Variants in GPM6A observed in about 807,000 individuals in gnomAD.
GPM6A encodes the protein neuronal membrane glycoprotein M6-a.
GPM6A carries 7 observed loss-of-function variants against 32.1 expected under a neutral mutation model. The observed-to-expected ratio is 0.22, with a 90% CI of 0.12 to 0.41. The LOEUF (loss-of-function observed/expected upper bound fraction) is 0.41, where lower values mean the gene tolerates loss of function less well. GPM6A is among the 10% of genes least tolerant of loss of function. The probability of loss-of-function intolerance (pLI) is 1.00; values close to 1 mark genes in which losing one functional copy is unlikely to be tolerated. For synonymous variants in GPM6A, 130 were observed against 123.4 expected (o/e 1.05, Z -0.35); for missense variants, 235 against 347.2 (o/e 0.68, Z 2.57).
At chr4:175,713,947 AT>A (rs961273521) in intron 1 of GPM6A, among the ~76,000 whole-genome samples, 3 of 151,024 alleles carry the variant, frequency 2.0e-5, no homozygotes, top group South Asian at 2.1e-4. Flanking sequence ...TTTGTCATAG[AT>A]TTTTTTTTGT....
intron 1 of GPM6A, among the ~76,000 whole-genome samples, chr4:175,773,607 G>A (rs914233850): frequency 6.6e-6 from 1 of 152,138 alleles, no homozygotes; most frequent in African/African-American, 2.4e-5. Flanking sequence ...GCACACTTGT[G>A]AGAGAAAGTA....
intron 1 of GPM6A, among the ~76,000 whole-genome samples, chr4:175,987,868 G>A (rs1486482475): frequency 2.0e-5 from 3 of 151,948 alleles, no homozygotes; most frequent in Non-Finnish European, 4.4e-5. Context: ...GATGTATAAA[G>A]TAAAATAATA....
intron 1 of GPM6A, among the ~76,000 whole-genome samples, chr4:175,846,569 A>G (rs1579562983): frequency 1.3e-5 from 2 of 152,288 alleles, no homozygotes; most frequent in East Asian, 1.9e-4. Context: ...TTTCACTTTC[A>G]AAAGAATATT....
chr4:175,674,887 C>A (rs189785879), intron 2 of GPM6A, among the ~76,000 whole-genome samples: 2 of 151,180 alleles, frequency 1.3e-5, no homozygotes, highest in African/African-American at 4.9e-5. Context: ...AATTGATTAC[C>A]CAGTTTTGCT....
intron 4 of GPM6A, among the ~76,000 whole-genome samples, chr4:175,645,669 C>T (rs186097167): frequency 0.011 from 1,702 of 152,086 alleles, 32 homozygotes; most frequent in African/African-American, 0.039. Context: ...TTCAGTGAAC[C>T]GAGATGGCGC....
intron 1 of GPM6A, among the ~76,000 whole-genome samples, chr4:175,859,233 G>A (rs1368995195): frequency 1.3e-5 from 2 of 152,194 alleles, no homozygotes; most frequent in African/African-American, 4.8e-5. Context: ...GTTGTTGTAT[G>A]TCAATCATCT....
At chr4:175,966,014 A>C (rs776082830) in intron 1 of GPM6A, among the ~76,000 whole-genome samples, 11 of 152,220 alleles carry the variant, frequency 7.2e-5, no homozygotes, top group Non-Finnish European at 1.5e-4. Context: ...ATGAAATGGA[A>C]CAATTCCTTA....
chr4:175,993,831 C>G (rs1741223538), intron 1 of GPM6A, among the ~76,000 whole-genome samples: 1 of 152,118 alleles, frequency 6.6e-6, no homozygotes, highest in Admixed American at 6.6e-5. Context: ...ACATACCAGA[C>G]ACAGAGAGAC....
intron 1 of GPM6A, among the ~76,000 whole-genome samples, chr4:175,918,579 C>G (rs1041179041): frequency 2.0e-5 from 3 of 151,936 alleles, no homozygotes; most frequent in Non-Finnish European, 4.4e-5. Flanking sequence ...CTGTGGAAGA[C>G]AGTTTAGCAA....
intron 1 of GPM6A, chr4:175,787,384 G>A: frequency 1.3e-6 from 2 of 1,535,068 alleles, no homozygotes; most frequent in Non-Finnish European, 1.7e-6. Context: ...CTGGCTCCTT[G>A]TGAACTCTAT....
chr4:175,777,983 T>A (rs1733460485), intron 1 of GPM6A, among the ~76,000 whole-genome samples: 1 of 152,214 alleles, frequency 6.6e-6, no homozygotes. Flanking sequence ...GAGCAGAAAC[T>A]CTGCAAACTA....
At chr4:175,760,552 GGT>G (rs1053967139) in intron 1 of GPM6A, among the ~76,000 whole-genome samples, 1 of 152,004 alleles carries the variant, frequency 6.6e-6, no homozygotes. Flanking sequence ...ATGTTTTAGA[GGT>G]TTAAGATATA....
chr4:175,829,692 T>C (rs1006474826), intron 1 of GPM6A, among the ~76,000 whole-genome samples: 23 of 146,888 alleles, frequency 1.6e-4, no homozygotes, highest in Middle Eastern at 3.3e-3. Flanking sequence ...ATATTACATA[T>C]ATGTATATAT....
intron 1 of GPM6A, among the ~76,000 whole-genome samples, chr4:175,966,974 C>T (rs116577488): frequency 0.018 from 2,765 of 151,948 alleles, 72 homozygotes; most frequent in African/African-American, 0.062. Flanking sequence ...TCCAGTATTA[C>T]CTTAATACCA....
intron 1 of GPM6A, among the ~76,000 whole-genome samples, chr4:175,730,969 T>C (rs1731401428): frequency 6.6e-6 from 1 of 152,166 alleles, no homozygotes; most frequent in Non-Finnish European, 1.5e-5. Context: ...CTCCATCTTT[T>C]TCCACCAACC....
chr4:175,971,173 T>A (rs1378473067), intron 1 of GPM6A, among the ~76,000 whole-genome samples: 1 of 151,916 alleles, frequency 6.6e-6, no homozygotes, highest in South Asian at 2.1e-4. Flanking sequence ...AGCCCTAATA[T>A]CTTAGTGGTT....
At chr4:175,753,284 G>A (rs988492207) in intron 1 of GPM6A, among the ~76,000 whole-genome samples, 2 of 151,868 alleles carry the variant, frequency 1.3e-5, no homozygotes, top group African/African-American at 4.8e-5. Flanking sequence ...TGAGAAAGCT[G>A]TTCAAAATGA....
At chr4:175,857,923 G>T (rs1183240459) in intron 1 of GPM6A, among the ~76,000 whole-genome samples, 3 of 151,994 alleles carry the variant, frequency 2.0e-5, no homozygotes, top group Non-Finnish European at 4.4e-5. Flanking sequence ...ATGCCAATTA[G>T]AAATAATTAG....
intron 3 of GPM6A, among the ~76,000 whole-genome samples, chr4:175,663,173 A>C (rs1392035080): frequency 6.6e-6 from 1 of 152,198 alleles, no homozygotes; most frequent in Non-Finnish European, 1.5e-5. Flanking sequence ...TTGCCATATA[A>C]TCCTGCCATC....
Sources: gnomAD v4.1 joint callset for allele counts (sites outside exome capture counted in the v4.1 genomes callset) on GRCh38, gnomAD v4.1.1 for gene constraint, MANE v1.5 for transcripts, NCBI Gene and HGNC (gene_info 2026-07-23, HGNC 2026-07-21) for gene names.